The following MMP16 variants were observed in gnomAD, a reference collection of about 807,000 sequenced individuals.
The protein encoded by MMP16 is matrix metallopeptidase 16.
In MMP16, 12 loss-of-function variants were observed where a neutral mutation model predicts 67.8. That is an observed-to-expected ratio of 0.18 (90% CI 0.11 to 0.29). The LOEUF is 0.29. MMP16 is among the 10% of genes least tolerant of loss of function. MMP16 has a pLI of 1.00. For synonymous variants in MMP16, 249 were observed against 255.9 expected (o/e 0.97, Z 0.26); for missense variants, 475 against 765.7 (o/e 0.62, Z 4.48).
At chr8:88,136,441 T>C (rs758546100) in intron 4 of MMP16, among the ~76,000 whole-genome samples, 2 of 151,798 alleles carry the variant, frequency 1.3e-5, no homozygotes, top group Admixed American at 6.6e-5. Context: ...TACAGGTCAG[T>C]TGATCATCAT....
chr8:88,234,900 A>G (rs1350095686), intron 1 of MMP16, among the ~76,000 whole-genome samples: 1 of 152,208 alleles, frequency 6.6e-6, no homozygotes, highest in African/African-American at 2.4e-5. Flanking sequence ...GCCTGTGGGT[A>G]AATGTATTTT....
chr8:88,081,016 G>A (rs1176799640), intron 6 of MMP16, among the ~76,000 whole-genome samples: 1 of 152,066 alleles, frequency 6.6e-6, no homozygotes, highest in African/African-American at 2.4e-5. Flanking sequence ...CACTCTGCTG[G>A]ATGCTCTCCA....
chr8:88,197,253 C>G lies in MMP16; in HGVS notation c.186G>C (p.Val62=), dbSNP rs771795621. ...ACTGCATGGTCTCTGCAGAGCGCAGCACTGACATTCTGGGGTCAGTCGGTG... is the reference window on the plus strand; with the variant it reads ...ACTGCATGGTCTCTGCAGAGCGCAGGACTGACATTCTGGGGTCAGTCGGTG... ...YLPPTDPRMS[V]LRSAETMQSA... is the part of the protein sequence containing the mutation. Residue 62 remains valine, a synonymous_variant, in exon 2 of 10, where the codon GTG becomes GTC. Coordinates refer to ENST00000286614, the MANE Select transcript of MMP16 (RefSeq NM_005941.5). 2.5e-6 allele frequency: 4 copies of G among 1,602,828 alleles called. No homozygotes were observed. Among genetic ancestry groups the G allele is most frequent in the Non-Finnish European group, 2.6e-6 (3 of 1,175,090 alleles).
chr8:88,312,609 C>T (rs1016987965), intron 1 of MMP16, among the ~76,000 whole-genome samples: 1 of 152,122 alleles, frequency 6.6e-6, no homozygotes. Flanking sequence ...CCTTCCCTCC[C>T]AGCCCTCCTG....
chr8:88,188,057 A>G (rs748082335), intron 2 of MMP16, among the ~76,000 whole-genome samples: 8 of 152,184 alleles, frequency 5.3e-5, no homozygotes, highest in Non-Finnish European at 1.0e-4. Context: ...AATTTGAGAG[A>G]TATTTCACTA....
intron 1 of MMP16, among the ~76,000 whole-genome samples, chr8:88,251,010 G>T (rs991455208): frequency 6.9e-6 from 1 of 145,480 alleles, no homozygotes; most frequent in Admixed American, 7.2e-5. Flanking sequence ...TCCCACCTAT[G>T]AGTGAGAATA....
intron 1 of MMP16, among the ~76,000 whole-genome samples, chr8:88,211,149 A>G (rs28904635): frequency 0.023 from 3,552 of 152,002 alleles, 39 homozygotes; most frequent in South Asian, 0.042. Context: ...CATAAGATTA[A>G]GGATGATCTA....
intron 4 of MMP16, among the ~76,000 whole-genome samples, chr8:88,119,216 TC>T (rs1249931282): frequency 6.6e-6 from 1 of 152,036 alleles, no homozygotes; most frequent in Non-Finnish European, 1.5e-5. Context: ...TTTATATGTC[TC>T]ACATTTAATA....
intron 3 of MMP16, among the ~76,000 whole-genome samples, chr8:88,182,370 A>T (rs1168249105): frequency 6.6e-6 from 1 of 152,154 alleles, no homozygotes; most frequent in East Asian, 1.9e-4. Flanking sequence ...TAGGTAAATA[A>T]GCATATGAAA....
intron 4 of MMP16, among the ~76,000 whole-genome samples, chr8:88,130,176 T>C (rs1808003561): frequency 6.6e-6 from 1 of 151,734 alleles, no homozygotes; most frequent in Non-Finnish European, 1.5e-5. Context: ...ATATGCAAAA[T>C]CACAAATTCA....
At chr8:88,105,963 A>AT (rs35863491) in intron 6 of MMP16, among the ~76,000 whole-genome samples, 1 of 150,530 alleles carries the variant, frequency 6.6e-6, no homozygotes, top group South Asian at 2.1e-4. Context: ...TCCTTTGAGA[A>AT]TTTTTTATTT....
At chr8:88,149,003 C>T (rs1267201755) in intron 4 of MMP16, among the ~76,000 whole-genome samples, 1 of 152,172 alleles carries the variant, frequency 6.6e-6, no homozygotes. Context: ...AGTGGGTGCG[C>T]GCACCGGGCG....
intron 1 of MMP16, among the ~76,000 whole-genome samples, chr8:88,276,820 A>G (rs1183075148): frequency 6.6e-6 from 1 of 152,090 alleles, no homozygotes; most frequent in Admixed American, 6.5e-5. Flanking sequence ...TGGTTAAATT[A>G]ATAAAATGGT....
chr8:88,257,320 T>C (rs1302094390), intron 1 of MMP16, among the ~76,000 whole-genome samples: 2 of 152,200 alleles, frequency 1.3e-5, no homozygotes, highest in Non-Finnish European at 2.9e-5. Flanking sequence ...TTAGAACCTG[T>C]ACAAGGTAGA....
At chr8:88,103,820 T>C (rs1028555210) in intron 6 of MMP16, among the ~76,000 whole-genome samples, 1 of 151,826 alleles carries the variant, frequency 6.6e-6, no homozygotes, top group South Asian at 2.1e-4. Context: ...CCATAGTACC[T>C]ACAAAACAGC....
intron 1 of MMP16, among the ~76,000 whole-genome samples, chr8:88,283,032 T>C (rs1160436504): frequency 1.7e-5 from 2 of 117,478 alleles, no homozygotes; most frequent in African/African-American, 6.0e-5. Flanking sequence ...TATAAGGGCA[T>C]TTTTTTCATT....
chr8:88,277,268 G>A (rs1810663098), intron 1 of MMP16, among the ~76,000 whole-genome samples: 1 of 152,120 alleles, frequency 6.6e-6, no homozygotes, highest in South Asian at 2.1e-4. Flanking sequence ...TACTTTAGAT[G>A]CATCTCGCTT....
At chr8:88,048,339 C>T (rs909943327) in intron 8 of MMP16, among the ~76,000 whole-genome samples, 2 of 152,126 alleles carry the variant, frequency 1.3e-5, no homozygotes, top group African/African-American at 4.8e-5. Flanking sequence ...CACAGAACCC[C>T]TAGACTTCCA....
chr8:88,270,794 T>C (rs1051500248), intron 1 of MMP16, among the ~76,000 whole-genome samples: 8 of 152,240 alleles, frequency 5.3e-5, no homozygotes, highest in Non-Finnish European at 1.0e-4. Context: ...CTAGTCCTGA[T>C]TTCTCTTTTA....
Sources: gnomAD v4.1 joint callset for allele counts (sites outside exome capture counted in the v4.1 genomes callset) on GRCh38, gnomAD v4.1.1 for gene constraint, MANE v1.5 for transcripts, NCBI Gene and HGNC (gene_info 2026-07-23, HGNC 2026-07-21) for gene names.